Variants in VTI1A observed in about 807,000 individuals in gnomAD.
VTI1A encodes vesicle transport through interaction with t-SNAREs homolog 1A.
In VTI1A, 22 loss-of-function variants were observed where a neutral mutation model predicts 34.9. The ratio of observed to expected loss-of-function variants is 0.63; its 90% CI spans 0.45 to 0.90. The LOEUF (loss-of-function observed/expected upper bound fraction) is 0.90. Among genes scored for constraint, VTI1A ranks in the 40% least tolerant of loss-of-function variants. The pLI is 0.00. For missense variants in VTI1A, 268 were observed against 275.6 expected (o/e 0.97, Z 0.20); for synonymous variants, 87 against 97.3 (o/e 0.89, Z 0.62).
At chr10:112,711,889 T>G (rs1190987575) in intron 7 of VTI1A, among the ~76,000 whole-genome samples, 1 of 152,164 alleles carries the variant, frequency 6.6e-6, no homozygotes, top group Non-Finnish European at 1.5e-5. Context: ...GTTTTCTATT[T>G]TAATCTTTGT....
chr10:112,761,524 A>G (rs1208799483), intron 7 of VTI1A, among the ~76,000 whole-genome samples: 1 of 152,202 alleles, frequency 6.6e-6, no homozygotes, highest in East Asian at 1.9e-4. Context: ...AAACATAACA[A>G]TTATGTCTTA....
At chr10:112,836,473 G>A in the VTI1A span, among the ~76,000 whole-genome samples, 166 of 152,214 alleles carry the variant, frequency 1.1e-3, no homozygotes, top group African/African-American at 3.4e-3. Flanking sequence ...GCCCCCTCAC[G>A]TGCTCTCCTC....
chr10:112,768,458 G>A (rs1362142362), intron 7 of VTI1A, among the ~76,000 whole-genome samples: 1 of 152,146 alleles, frequency 6.6e-6, no homozygotes, highest in East Asian at 1.9e-4. Flanking sequence ...TGCGGTCCAC[G>A]GGAACATTTG....
intron 7 of VTI1A, among the ~76,000 whole-genome samples, chr10:112,712,473 A>ACCACACACACAC (rs1849453779): frequency 1.1e-5 from 1 of 90,640 alleles, no homozygotes; most frequent in African/African-American, 5.1e-5. Context: ...ATCAACTATT[A>ACCACACACACAC]TCACACACAC....
intron 1 of VTI1A, among the ~76,000 whole-genome samples, chr10:112,447,830 A>G (rs1228514559): frequency 1.3e-5 from 2 of 152,232 alleles, no homozygotes; most frequent in African/African-American, 4.8e-5. Flanking sequence ...CTATGGATCT[A>G]CAATCTACAG....
chr10:112,551,259 A>C (rs964309407), intron 5 of VTI1A, among the ~76,000 whole-genome samples: 78 of 151,620 alleles, frequency 5.1e-4, no homozygotes, highest in Non-Finnish European at 8.3e-4. Context: ...AAAAAAAAAA[A>C]AAAAAAAAAA....
chr10:112,826,310 G>C, the VTI1A span: 31 of 152,194 alleles, frequency 2.0e-4, no homozygotes, highest in African/African-American at 7.5e-4. Context: ...TCTTAAAAAG[G>C]GATCTGGACT....
chr10:112,703,657 A>G (rs1849092833), intron 7 of VTI1A, among the ~76,000 whole-genome samples: 1 of 152,198 alleles, frequency 6.6e-6, no homozygotes, highest in Non-Finnish European at 1.5e-5. Flanking sequence ...TAAGTAGACA[A>G]TATAAAGCAA....
At chr10:112,565,690 G>C (rs977411513) in intron 5 of VTI1A, among the ~76,000 whole-genome samples, 4 of 152,186 alleles carry the variant, frequency 2.6e-5, no homozygotes, top group African/African-American at 9.6e-5. Context: ...TTCTTGTGCT[G>C]CCAGTAGTAC....
intron 5 of VTI1A, among the ~76,000 whole-genome samples, chr10:112,570,658 C>T (rs1202781398): frequency 1.3e-5 from 2 of 152,156 alleles, no homozygotes; most frequent in East Asian, 3.9e-4. Context: ...GCCAGAATAC[C>T]TCTGTGCATA....
chr10:112,578,425 GAGGAAGA>G (rs2134390117), intron 5 of VTI1A, among the ~76,000 whole-genome samples: 1 of 152,280 alleles, frequency 6.6e-6, no homozygotes, highest in African/African-American at 2.4e-5. Flanking sequence ...GGAAAATCAG[GAGGAAGA>G]ATAGGTTTGG....
intron 5 of VTI1A, among the ~76,000 whole-genome samples, chr10:112,593,037 A>G (rs1844453764): frequency 6.6e-6 from 1 of 152,224 alleles, no homozygotes; most frequent in Admixed American, 6.5e-5. Context: ...TCAAATAGAT[A>G]CTAAAACTAG....
chr10:112,730,568 T>G (rs1179036599), intron 7 of VTI1A, among the ~76,000 whole-genome samples: 1 of 144,914 alleles, frequency 6.9e-6, no homozygotes, highest in Admixed American at 6.7e-5. Flanking sequence ...ACATCTACTT[T>G]TAGGATTTTT....
chr10:112,760,910 CA>C (rs1468926502), intron 7 of VTI1A, among the ~76,000 whole-genome samples: 2 of 140,634 alleles, frequency 1.4e-5, no homozygotes, highest in Non-Finnish European at 3.1e-5. Context: ...AAAAAAAAAC[CA>C]AAAAGTTGGA....
At chr10:112,624,885 C>G (rs1845863914) in intron 5 of VTI1A, among the ~76,000 whole-genome samples, 1 of 152,054 alleles carries the variant, frequency 6.6e-6, no homozygotes. Context: ...TCACTTGAGG[C>G]TGGGAGTTCG....
rs556769901 is a variant in VTI1A, at chr10:112,692,019, G to T, written c.560+23021G>T. Among the ~76,000 whole-genome samples, 32 of 152,310 alleles carry T rather than the reference G, an allele frequency of 2.1e-4. No homozygotes were observed. In the South Asian group the frequency reaches 6.6e-3, roughly 32 times the overall value. The stretch of plus-strand genomic sequence containing the variant: ...TAATTATTAGTTATGCTAATTAAGA[G>T]TAATTAATTAATAAGATAAAGATAG... On this transcript the variant is annotated intron_variant, in intron 7 of 7. Coordinates refer to ENST00000393077, the MANE Select transcript of VTI1A (RefSeq NM_145206.4).
intron 1 of VTI1A, among the ~76,000 whole-genome samples, chr10:112,459,079 G>A (rs1358172034): frequency 6.6e-6 from 1 of 152,184 alleles, no homozygotes; most frequent in East Asian, 1.9e-4. Context: ...TTTCTAGTCT[G>A]TTGTGTTAGT....
At chr10:112,726,634 T>C (rs1031585308) in intron 7 of VTI1A, among the ~76,000 whole-genome samples, 32 of 152,220 alleles carry the variant, frequency 2.1e-4, no homozygotes, top group African/African-American at 7.5e-4. Context: ...TTAACCATTT[T>C]GAGGCCACAT....
intron 3 of VTI1A, among the ~76,000 whole-genome samples, chr10:112,507,293 A>G (rs531158660): frequency 7.9e-5 from 12 of 152,226 alleles, no homozygotes; most frequent in African/African-American, 2.6e-4. Context: ...CCTGTGCTTT[A>G]TAGCACCACT....
Sources: gnomAD v4.1 joint callset for allele counts (sites outside exome capture counted in the v4.1 genomes callset) on GRCh38, gnomAD v4.1.1 for gene constraint, MANE v1.5 for transcripts, NCBI Gene and HGNC (gene_info 2026-07-23, HGNC 2026-07-21) for gene names.